The following SHOC1 variants were observed in gnomAD, a reference collection of about 807,000 sequenced individuals.
SHOC1 encodes protein shortage in chiasmata 1 ortholog.
In SHOC1, 136 loss-of-function variants were observed where a neutral mutation model predicts 179.2. The ratio of observed to expected loss-of-function variants is 0.76; its 90% CI spans 0.66 to 0.87. The LOEUF is 0.87. Ranked by LOEUF, SHOC1 falls within the 40% of genes least tolerant of loss-of-function variation. The pLI, the probability that SHOC1 is intolerant of heterozygous loss-of-function variation, is 0.00. For missense variants in SHOC1, 1,538 were observed against 1,700.8 expected (o/e 0.90, Z 1.68); for synonymous variants, 489 against 586.6 (o/e 0.83, Z 2.41).
chr9:111,731,689 A>G (rs1482694057), intron 12 of SHOC1, among the ~76,000 whole-genome samples: 1 of 152,230 alleles, frequency 6.6e-6, no homozygotes, highest in African/African-American at 2.4e-5. Context: ...TAATTACCAA[A>G]ATGTGACAGA....
Position 111,714,367 on chromosome 9 carries a change from A to C in SHOC1, c.2415+78T>G. 2.0e-6 allele frequency: 3 copies of C among 1,475,738 alleles called. No individual in the cohort carries two copies. The South Asian group carries it at 3.7e-5, about 18-fold the overall frequency. The allele number at this position is 1,475,738 out of a possible 1,614,324, so 91.4% of individuals were successfully genotyped here. On this transcript the variant is annotated intron_variant, in intron 17 of 27. Transcript: ENST00000682961. ...AGTATAGACTACTTCATAATTTTAA[A>C]GTTAAATGCAAAAATGTATCTTACA...
At chr9:111,758,659 A>G (rs1823341359) in intron 6 of SHOC1, 36 bp downstream of exon 6, 1 of 1,519,150 alleles carries the variant, frequency 6.6e-7, no homozygotes, top group Non-Finnish European at 8.8e-7. Context: ...TTCACCTCTT[A>G]AAAATATTTA....
intron 27 of SHOC1, among the ~76,000 whole-genome samples, chr9:111,687,719 G>C (rs972046207): frequency 1.3e-5 from 2 of 151,886 alleles, no homozygotes; most frequent in Non-Finnish European, 2.9e-5. Flanking sequence ...TTTGTGGTGA[G>C]AGTGTATACA....
rs1259829011 is a variant in SHOC1, at chr9:111,692,030, C to G, written c.3947G>C (p.Arg1316Thr). 1 of 1,613,510 alleles carries G rather than the reference C, an allele frequency of 6.2e-7. No individual in the cohort carries two copies. Among genetic ancestry groups the G allele is most frequent in the African/African-American group, 1.3e-5 (1 of 74,892 alleles). The change falls in exon 27 of 28, where the codon AGA (arginine) becomes ACA (threonine). Residue 1316 changes from arginine (R) to threonine (T), a missense_variant. Physicochemically the swap from Arg to Thr is moderately conservative, Grantham distance 71 (BLOSUM62 -1). Transcript: ENST00000682961. ...TATAAAACGGGGGACAACTGACACT[C>G]TCTTCTGAGTGTCAGTTGGTGATTT... ...TIKSPTDTQKRVSVVPRFINS... is the reference protein window; with the variant it reads ...TIKSPTDTQKTVSVVPRFINS...
chr9:111,767,380 T>C (rs1018531451), intron 5 of SHOC1, among the ~76,000 whole-genome samples: 2 of 152,190 alleles, frequency 1.3e-5, no homozygotes, highest in South Asian at 2.1e-4. Flanking sequence ...TGGTGAGAGA[T>C]AGGGATCTAG....
chr9:111,705,423 C>CTTTT, intron 20 of SHOC1, 59 bp from the exon 21 acceptor site: 3 of 533,152 alleles, frequency 5.6e-6, no homozygotes, highest in Non-Finnish European at 9.0e-6. Flanking sequence ...AGCTCTTTCT[C>CTTTT]TTTTTTTTTT....
At chr9:111,780,339 T>C (rs1356351872) in intron 4 of SHOC1, among the ~76,000 whole-genome samples, 1 of 152,206 alleles carries the variant, frequency 6.6e-6, no homozygotes, top group Non-Finnish European at 1.5e-5. Context: ...ATTATTAAAT[T>C]GCACCAAAAT....
chr9:111,699,349 G>T (rs973024704), intron 24 of SHOC1, among the ~76,000 whole-genome samples: 2 of 152,174 alleles, frequency 1.3e-5, no homozygotes, highest in African/African-American at 4.8e-5. Context: ...GTACTTGTTG[G>T]ATATTCACGT....
chr9:111,765,087 G>A (rs373265254), intron 5 of SHOC1, among the ~76,000 whole-genome samples: 7 of 151,394 alleles, frequency 4.6e-5, no homozygotes, highest in African/African-American at 1.7e-4. Context: ...GTTGCTGTGA[G>A]CCGAGATCAC....
intron 27 of SHOC1, 127 bp downstream of exon 27, chr9:111,691,423 AC>A: frequency 1.3e-6 from 1 of 790,694 alleles, no homozygotes; most frequent in Non-Finnish European, 1.9e-6. Flanking sequence ...TTTCTCTTTT[AC>A]CCAACAGTTA....
intron 19 of SHOC1, 97 bp downstream of exon 19, chr9:111,707,758 A>G: frequency 1.2e-6 from 1 of 808,320 alleles, no homozygotes; most frequent in Non-Finnish European, 2.0e-6. Flanking sequence ...TTAATTTCAG[A>G]TTTTGTTAAA....
chr9:111,703,760 A>C, intron 22 of SHOC1, 121 bp downstream of exon 22: 3 of 517,348 alleles, frequency 5.8e-6, no homozygotes, highest in Non-Finnish European at 1.0e-5. Context: ...CTTGTGGCCC[A>C]TTTGCAAAAT....
chr9:111,714,495 C>T lies in SHOC1; in HGVS notation c.2365G>A (p.Glu789Lys), dbSNP rs889292600. The T allele has an allele frequency of 6.2e-7, 1 of 1,613,898 alleles. No individual in the cohort carries two copies. The highest frequency in any genetic ancestry group is 8.5e-7 in the Non-Finnish European group (1 of 1,179,912). The change falls in exon 17 of 28, where the codon GAA becomes AAA. Residue 789 changes from glutamate to lysine, a missense_variant. Glu to Lys is a moderately conservative substitution (Grantham distance 56, BLOSUM62 1). Transcript: ENST00000682961. ...KKPETNYKIQ[E>K]LQCQILSWMQ... ...CAACTTAGTATCTGACATTGCAATTCTTGTATCTTGTAGTTGGTTTCAGGC... is the reference window on the plus strand; with the variant it reads ...CAACTTAGTATCTGACATTGCAATTTTTGTATCTTGTAGTTGGTTTCAGGC...
intron 8 of SHOC1, among the ~76,000 whole-genome samples, chr9:111,751,572 G>A (rs927753333): frequency 6.6e-6 from 1 of 152,032 alleles, no homozygotes; most frequent in African/African-American, 2.4e-5. Flanking sequence ...ATAAAATAAG[G>A]AATTTAGCAT....
At chr9:111,755,370 T>A (rs1027927998) in intron 8 of SHOC1, among the ~76,000 whole-genome samples, 4 of 152,244 alleles carry the variant, frequency 2.6e-5, no homozygotes, top group Non-Finnish European at 5.9e-5. Context: ...GATTTAGTTT[T>A]AATCGTAAGA....
chr9:111,717,262 C>T (rs570403052), intron 16 of SHOC1, among the ~76,000 whole-genome samples: 1 of 152,220 alleles, frequency 6.6e-6, no homozygotes, highest in Non-Finnish European at 1.5e-5. Context: ...TCTAGGAACT[C>T]TAAATTATAA....
chr9:111,757,355 G>C (rs947679007), intron 7 of SHOC1, among the ~76,000 whole-genome samples: 3 of 152,084 alleles, frequency 2.0e-5, no homozygotes, highest in Non-Finnish European at 4.4e-5. Flanking sequence ...GCCCACCTCG[G>C]CCTCCCAAAG....
chr9:111,713,184 T>C lies in SHOC1; in HGVS notation c.2416-12A>G. 1 of 1,419,212 alleles carries C rather than the reference T, an allele frequency of 7.0e-7. No individual in the cohort carries two copies. Among genetic ancestry groups the C allele is most frequent in the Non-Finnish European group, 9.7e-7 (1 of 1,026,452 alleles). 87.9% of individuals were successfully genotyped at this position (1,419,212 alleles called of 1,614,324 possible). ...ATTATAATCAGTACCTAGTCAAAAA[T>C]AAAAATTTCATATATATGTGGATGA... is the stretch of plus-strand genomic sequence containing the variant. On this transcript the variant is annotated splice_polypyrimidine_tract_variant and intron_variant, in intron 17 of 27. Transcript: ENST00000682961.
intron 13 of SHOC1, among the ~76,000 whole-genome samples, chr9:111,726,475 C>T (rs1833295205): frequency 6.6e-6 from 1 of 152,186 alleles, no homozygotes; most frequent in African/African-American, 2.4e-5. Context: ...GTTGCTCAGG[C>T]TGGTCTCAAA....
Sources: gnomAD v4.1 joint callset for allele counts (sites outside exome capture counted in the v4.1 genomes callset) on GRCh38, gnomAD v4.1.1 for gene constraint, MANE v1.5 for transcripts, NCBI Gene and HGNC (gene_info 2026-07-23, HGNC 2026-07-21) for gene names.